PTTG1IP: variants seen among roughly 807,000 people sequenced by gnomAD.
The protein encoded by PTTG1IP is pituitary tumor-transforming gene 1 protein-interacting protein.
In PTTG1IP, 16 loss-of-function variants were observed where a neutral mutation model predicts 24.4. That is an observed-to-expected ratio of 0.66 (90% CI 0.44 to 1.00). The LOEUF (loss-of-function observed/expected upper bound fraction) is 1.00. Ranked by LOEUF, PTTG1IP falls within the 50% of genes least tolerant of loss-of-function variation. PTTG1IP has a pLI of 0.00. For synonymous variants in PTTG1IP, 89 were observed against 96.8 expected (o/e 0.92, Z 0.47); for missense variants, 241 against 245.8 (o/e 0.98, Z 0.13).
intron 1 of PTTG1IP, among the ~76,000 whole-genome samples, chr21:44,870,762 T>C (rs1056597617): frequency 1.3e-5 from 2 of 152,176 alleles, no homozygotes; most frequent in African/African-American, 4.8e-5. Flanking sequence ...AGACTCCATT[T>C]ATCAATTTTT....
At chr21:44,869,755 G>A (rs1320961969) in intron 1 of PTTG1IP, among the ~76,000 whole-genome samples, 1 of 152,196 alleles carries the variant, frequency 6.6e-6, no homozygotes, top group Non-Finnish European at 1.5e-5. Context: ...CTGCGCCTCT[G>A]AGGTCTTTCT....
intron 2 of PTTG1IP, among the ~76,000 whole-genome samples, chr21:44,864,137 G>A (rs2083515843): frequency 1.3e-5 from 2 of 152,248 alleles, no homozygotes; most frequent in South Asian, 4.1e-4. Context: ...ACTCCTGACT[G>A]GAAGGGGCAA....
intron 1 of PTTG1IP, chr21:44,872,943 C>G (rs1055950170): frequency 6.6e-6 from 1 of 152,368 alleles, no homozygotes; most frequent in Non-Finnish European, 1.5e-5. Context: ...CTTTCTAAGG[C>G]ATAAGTGCGA....
chr21:44,861,938 C>T (rs373047219), intron 2 of PTTG1IP: 71 of 690,550 alleles, frequency 1.0e-4, no homozygotes, highest in Non-Finnish European at 5.4e-6. Context: ...TGCACTAAGT[C>T]GCACAGCTTG....
intron 3 of PTTG1IP, among the ~76,000 whole-genome samples, chr21:44,860,076 G>A (rs904210325): frequency 2.6e-5 from 4 of 152,048 alleles, no homozygotes; most frequent in Admixed American, 1.3e-4. Flanking sequence ...GATTTAAAAG[G>A]CAAACTACGG....
chr21:44,865,496 G>A lies in PTTG1IP; in HGVS notation c.116-49C>T, dbSNP rs543681114. ...AGTCAGTCACTGAGAATCAGGCAGT[G>A]TAAATATTAGTCCAGCAGGGCAGGG... On this transcript the variant is annotated intron_variant, in intron 1 of 5. Transcript: ENST00000330938. The A allele has an allele frequency of 3.1e-6, 5 of 1,592,138 alleles. No individual in the cohort carries two copies. The African/African-American group carries it at 5.4e-5, about 17-fold the overall frequency.
Position 44,869,850 on chromosome 21 carries a change from G to A in PTTG1IP, c.115+3652C>T, listed in dbSNP as rs559126994. Among the ~76,000 whole-genome samples the A allele has an allele frequency of 5.3e-5, 8 of 152,320 alleles. No homozygotes were observed. In the East Asian group the frequency reaches 1.3e-3, roughly 26 times the overall value. ...AAAAGTCATCCATGAGGAAGGGTGCGTGTGCTTCCTCTCCTCAGCCCAACA... is the reference window on the plus strand; with the variant it reads ...AAAAGTCATCCATGAGGAAGGGTGCATGTGCTTCCTCTCCTCAGCCCAACA... On this transcript the variant is annotated intron_variant, in intron 1 of 5. Coordinates refer to ENST00000330938, the MANE Select transcript of PTTG1IP (RefSeq NM_004339.4).
intron 1 of PTTG1IP, 55 bp downstream of exon 1, chr21:44,873,441 CGACCTG>C (rs2083607127): frequency 8.0e-7 from 1 of 1,255,980 alleles, no homozygotes; most frequent in African/African-American, 1.6e-5. Flanking sequence ...ACCCCGACCC[CGACCTG>C]GACCCACCAG....
chr21:44,859,896 G>C lies in PTTG1IP; in HGVS notation c.277+1267C>G, dbSNP rs548956014. Among the ~76,000 whole-genome samples the C allele has an allele frequency of 4.1e-4, 63 of 152,292 alleles. 2 individuals are homozygous for C. The highest frequency in any genetic ancestry group is 1.5e-3 in the African/African-American group (62 of 41,554). Reference sequence around the variant, plus strand: ...TGGTAAGTAAGACGTAAGTTGCAGAGGGATCCAAGATGCAAATAAACAAAA... The same window carrying C: ...TGGTAAGTAAGACGTAAGTTGCAGACGGATCCAAGATGCAAATAAACAAAA... On this transcript the variant is annotated intron_variant, in intron 3 of 5. Coordinates refer to ENST00000330938, the MANE Select transcript of PTTG1IP (RefSeq NM_004339.4).
chr21:44,853,640 C>T (rs553434457), intron 5 of PTTG1IP, among the ~76,000 whole-genome samples: 86 of 152,286 alleles, frequency 5.6e-4, no homozygotes, highest in African/African-American at 1.7e-3. Flanking sequence ...GGCATGCACT[C>T]GCTGAGGAGG....
At chr21:44,869,441 A>G (rs1005102996) in intron 1 of PTTG1IP, among the ~76,000 whole-genome samples, 2 of 152,208 alleles carry the variant, frequency 1.3e-5, no homozygotes, top group African/African-American at 2.4e-5. Context: ...AGGCAACACA[A>G]TTATGATTGT....
At chr21:44,857,704 C>G (rs564305931) in intron 3 of PTTG1IP, among the ~76,000 whole-genome samples, 1 of 152,342 alleles carries the variant, frequency 6.6e-6, no homozygotes, top group Non-Finnish European at 1.5e-5. Flanking sequence ...CTCTGGGGCT[C>G]CCGCAGCCTC....
Position 44,856,250 on chromosome 21 carries a change from C to T in PTTG1IP, c.392G>A (p.Arg131Lys), listed in dbSNP as rs753162911. ...CRRKRSRKPDRSEEKAMRERE... is the reference protein window; with the variant it reads ...CRRKRSRKPDKSEEKAMRERE... The stretch of plus-strand genomic sequence containing the variant: ...CTCACGCATGGCCTTCTCCTCACTC[C>T]TGTCCGGCTTCCGGCTCCTCTTCCT... The change falls in exon 4 of 6, where the codon AGG (arginine) becomes AAG (lysine). Residue 131 changes from arginine to lysine, a missense_variant. Coordinates refer to ENST00000330938, the MANE Select transcript of PTTG1IP (RefSeq NM_004339.4). 3.1e-6 allele frequency: 5 copies of T among 1,614,190 alleles called. No individual in the cohort carries two copies. Among genetic ancestry groups the T allele is most frequent in the South Asian group, 2.2e-5 (2 of 91,082 alleles).
intron 5 of PTTG1IP, among the ~76,000 whole-genome samples, chr21:44,854,836 C>G (rs973939514): frequency 1.3e-5 from 2 of 152,240 alleles, no homozygotes; most frequent in Admixed American, 1.3e-4. Flanking sequence ...CAACGAGCAA[C>G]GCTCCCGAGG....
chr21:44,860,396 ATC>A (rs2083481168), intron 3 of PTTG1IP, among the ~76,000 whole-genome samples: 1 of 152,116 alleles, frequency 6.6e-6, no homozygotes, highest in South Asian at 2.1e-4. Context: ...AACAACTTGA[ATC>A]TCACAAGAGC....
At chr21:44,853,864 A>G (rs1296560433) in intron 5 of PTTG1IP, among the ~76,000 whole-genome samples, 1 of 152,264 alleles carries the variant, frequency 6.6e-6, no homozygotes, top group Non-Finnish European at 1.5e-5. Flanking sequence ...GCCACTGGGC[A>G]TCTCGAGGCC....
At chr21:44,853,361 A>G (rs796686420) in intron 5 of PTTG1IP, among the ~76,000 whole-genome samples, 2 of 152,248 alleles carry the variant, frequency 1.3e-5, no homozygotes, top group African/African-American at 2.4e-5. Context: ...ACAAAAAATT[A>G]GCTGGGCGTA....
chr21:44,861,813 C>G (rs1274340584), intron 2 of PTTG1IP: 14 of 717,428 alleles, frequency 2.0e-5, no homozygotes, highest in Non-Finnish European at 1.3e-5. Context: ...CCCAAGAACA[C>G]AGGACACAGC....
At chr21:44,872,539 A>G (rs2083595826) in intron 1 of PTTG1IP, among the ~76,000 whole-genome samples, 1 of 152,192 alleles carries the variant, frequency 6.6e-6, no homozygotes, top group Admixed American at 6.5e-5. Context: ...AACTCCACAC[A>G]CGGAAGCCAG....
Sources: gnomAD v4.1 joint callset for allele counts (sites outside exome capture counted in the v4.1 genomes callset) on GRCh38, gnomAD v4.1.1 for gene constraint, MANE v1.5 for transcripts, NCBI Gene and HGNC (gene_info 2026-07-23, HGNC 2026-07-21) for gene names.